Variants in ZNF385D observed in about 807,000 individuals in gnomAD.
ZNF385D encodes the protein zinc finger protein 659.
In ZNF385D, 15 loss-of-function variants were observed where a neutral mutation model predicts 35.8. The observed-to-expected ratio is 0.42, with a 90% confidence interval of 0.28 to 0.64. The LOEUF (loss-of-function observed/expected upper bound fraction) is 0.64. Ranked by LOEUF, ZNF385D falls within the 30% of genes least tolerant of loss-of-function variation. The pLI is 0.23. For synonymous variants in ZNF385D, 212 were observed against 186.8 expected (o/e 1.13, Z -1.10); for missense variants, 474 against 494.6 (o/e 0.96, Z 0.39).
intron 2 of ZNF385D, among the ~76,000 whole-genome samples, chr3:21,621,471 T>C (rs1038917387): frequency 1.3e-5 from 2 of 151,852 alleles, no homozygotes; most frequent in Non-Finnish European, 2.9e-5. Context: ...CAGTGGCTAC[T>C]AGGAATGAAA....
In ZNF385D at chr3:22,030,278, T is replaced by TATATCCTATACAAATAACAAATAGG. The variant is rs1553591293; in HGVS notation, c.325+138538_325+138539insCCTATTTGTTATTTGTATAGGATAT. Reference sequence around the variant, plus strand: ...ATTCATATATATATATATATATATATATATATATATATATATATATATATC... The same window carrying TATATCCTATACAAATAACAAATAGG: ...ATTCATATATATATATATATATATATATATCCTATACAAATAACAAATAGGATATATATATATATATATATATATC... On this transcript the variant is annotated intron_variant, in intron 3 of 5. Coordinates refer to the ZNF385D transcript ENST00000494108. 4.3e-4 allele frequency among the ~76,000 whole-genome samples: 48 copies of TATATCCTATACAAATAACAAATAGG among 110,438 alleles called. 3 individuals are homozygous for TATATCCTATACAAATAACAAATAGG. The highest frequency in any genetic ancestry group is 3.1e-3 in the South Asian group (10 of 3,248). The allele number at this position is 110,438 out of a possible 152,430, so 72.5% of individuals were successfully genotyped here.
chr3:21,873,647 G>A (rs192526329), intron 3 of ZNF385D, among the ~76,000 whole-genome samples: 50 of 152,086 alleles, frequency 3.3e-4, no homozygotes, highest in African/African-American at 8.4e-4. Flanking sequence ...TTCTGCCTCC[G>A]CTTAGGACCT....
intron 1 of ZNF385D, among the ~76,000 whole-genome samples, chr3:21,697,979 A>G (rs187695757): frequency 6.6e-6 from 1 of 152,192 alleles, no homozygotes; most frequent in South Asian, 2.1e-4. Flanking sequence ...GAAAAAATGG[A>G]AAACATACAC....
At chr3:21,694,042 C>CTTTTTTTTTTTTGTTTTTTTTTTTTT (rs2067380794) in intron 1 of ZNF385D, among the ~76,000 whole-genome samples, 1 of 22,178 alleles carries the variant, frequency 4.5e-5, no homozygotes, top group African/African-American at 2.1e-4. Flanking sequence ...CTACGCCTGG[C>CTTTTTTTTTTTTGTTTTTTTTTTTTT]TTTTTTTTTT....
chr3:22,166,271 G>C lies in ZNF385D; in HGVS notation c.325+2546C>G, dbSNP rs546995334. 6.4e-5 allele frequency among the ~76,000 whole-genome samples: 9 copies of C among 140,816 alleles called. No homozygotes were observed. In the South Asian group the frequency reaches 2.1e-3, roughly 32 times the overall value. 92.4% of individuals were successfully genotyped at this position (140,816 alleles called of 152,430 possible). ...TTAAAACGTCTTGGGGAAAAAATCT[G>C]AATAGGAAATCCAGCAACAAATATT... is the stretch of plus-strand genomic sequence containing the variant. On this transcript the variant is annotated intron_variant, in intron 3 of 5. Transcript: ENST00000494108.
chr3:22,237,981 T>C (rs1490460004), intron 2 of ZNF385D, among the ~76,000 whole-genome samples: 1 of 151,092 alleles, frequency 6.6e-6, no homozygotes, highest in Non-Finnish European at 1.5e-5. Context: ...AATTTTTGCA[T>C]ATAGTCTGAG....
rs528051664 is a variant in ZNF385D at position 22,158,169 on chromosome 3, T to C, written c.325+10648A>G. Among the ~76,000 whole-genome samples the C allele has an allele frequency of 3.9e-5, 6 of 152,236 alleles. No individual in the cohort carries two copies. The South Asian group carries it at 1.2e-3, about 32-fold the overall frequency. On this transcript the variant is annotated intron_variant, in intron 3 of 5. Coordinates refer to the ZNF385D transcript ENST00000494108. ...CATCTCCGGTTTATAACCCCCAGAT[T>C]CATGGGTTCTTTATTTTCACTATTA...
At chr3:22,152,669 C>T (rs1190397099) in intron 3 of ZNF385D, among the ~76,000 whole-genome samples, 1 of 152,154 alleles carries the variant, frequency 6.6e-6, no homozygotes, top group Non-Finnish European at 1.5e-5. Flanking sequence ...CATAAAATGA[C>T]TCTTGTGATT....
At chr3:21,764,584 G>A (rs943081261) in intron 3 of ZNF385D, among the ~76,000 whole-genome samples, 16 of 152,162 alleles carry the variant, frequency 1.1e-4, no homozygotes, top group African/African-American at 3.6e-4. Context: ...GCATGGCTGG[G>A]CTTGTCTAGT....
chr3:21,584,609 C>A (rs189302728), intron 2 of ZNF385D, among the ~76,000 whole-genome samples: 286 of 152,234 alleles, frequency 1.9e-3, no homozygotes, highest in African/African-American at 6.4e-3. Flanking sequence ...TCCATCAGTA[C>A]TTAAAATTCT....
intron 3 of ZNF385D, among the ~76,000 whole-genome samples, chr3:21,935,711 A>G (rs1278503823): frequency 6.9e-6 from 1 of 145,820 alleles, no homozygotes; most frequent in African/African-American, 2.6e-5. Context: ...TTTCCCTAAA[A>G]TCTCATCCCA....
intron 3 of ZNF385D, among the ~76,000 whole-genome samples, chr3:22,153,995 T>C (rs917442390): frequency 2.0e-5 from 3 of 152,148 alleles, no homozygotes; most frequent in African/African-American, 7.2e-5. Flanking sequence ...TCACCTTTAG[T>C]TTTAGCATCC....
At chr3:22,097,991 G>A (rs1479275581) in intron 3 of ZNF385D, among the ~76,000 whole-genome samples, 2 of 151,066 alleles carry the variant, frequency 1.3e-5, no homozygotes, top group African/African-American at 2.5e-5. Flanking sequence ...ATTAAAAACT[G>A]TAACATTTTC....
At chr3:22,133,830 T>C (rs755525374) in intron 3 of ZNF385D, 3 of 151,762 alleles carry the variant, frequency 2.0e-5, no homozygotes, top group Non-Finnish European at 2.9e-5. Flanking sequence ...AAACAAAGCA[T>C]CTGTGGAAAT....
intron 2 of ZNF385D, among the ~76,000 whole-genome samples, chr3:22,227,619 T>C (rs555178764): frequency 1.9e-4 from 29 of 152,050 alleles, no homozygotes; most frequent in African/African-American, 6.3e-4. Context: ...CCAGACCAGA[T>C]TGAGGACTAG....
At chr3:22,248,071 C>G (rs1232446781) in intron 2 of ZNF385D, among the ~76,000 whole-genome samples, 1 of 152,122 alleles carries the variant, frequency 6.6e-6, no homozygotes, top group Non-Finnish European at 1.5e-5. Context: ...AGCCCTCAAT[C>G]AAGCTGATGT....
At chr3:21,445,326 C>T (rs528980096) in intron 4 of ZNF385D, among the ~76,000 whole-genome samples, 28 of 152,208 alleles carry the variant, frequency 1.8e-4, no homozygotes, top group Non-Finnish European at 3.8e-4. Context: ...CACTGCTCAT[C>T]TCTCCAGTGG....
chr3:22,011,651 G>A (rs916882236), intron 3 of ZNF385D, among the ~76,000 whole-genome samples: 2 of 151,918 alleles, frequency 1.3e-5, no homozygotes, highest in Admixed American at 1.3e-4. Flanking sequence ...AATAAGTATG[G>A]TTATAAATAT....
At chr3:21,923,324 C>T (rs528846218) in intron 3 of ZNF385D, among the ~76,000 whole-genome samples, 5 of 152,052 alleles carry the variant, frequency 3.3e-5, no homozygotes, top group Admixed American at 2.0e-4. Flanking sequence ...TCTCACACTA[C>T]TAAGAATGGC....
Sources: gnomAD v4.1 joint callset for allele counts (sites outside exome capture counted in the v4.1 genomes callset) on GRCh38, gnomAD v4.1.1 for gene constraint, MANE v1.5 for transcripts, NCBI Gene and HGNC (gene_info 2026-07-23, HGNC 2026-07-21) for gene names.